Variants in PRKCE observed in about 807,000 individuals in gnomAD.
The protein encoded by PRKCE is protein kinase C epsilon.
A neutral mutation model predicts 85.4 loss-of-function variants in PRKCE; 16 were observed. That is an observed-to-expected ratio of 0.19 (90% confidence interval 0.13 to 0.28). PRKCE has a LOEUF of 0.28. Among genes scored for constraint, PRKCE ranks in the 10% least tolerant of loss-of-function variants. PRKCE has a pLI of 1.00. For synonymous variants in PRKCE, 388 were observed against 371.5 expected, an observed-to-expected ratio of 1.04 and a Z score of -0.51; for missense variants, 573 against 975.2, an observed-to-expected ratio of 0.59 and a Z score of 5.49.
intron 12 of PRKCE, among the ~76,000 whole-genome samples, chr2:46,149,229 T>C (rs1271887170): frequency 6.6e-6 from 1 of 152,168 alleles, no homozygotes; most frequent in Admixed American, 6.5e-5. Context: ...AGAACTAAAT[T>C]GGAGCCTTGT....
chr2:46,115,640 G>A (rs3768753), intron 11 of PRKCE, among the ~76,000 whole-genome samples: 34,961 of 152,126 alleles, frequency 0.23, 4,254 homozygotes, highest in South Asian at 0.4. Context: ...ATCTCTATGG[G>A]CATCAGTGCT....
intron 11 of PRKCE, among the ~76,000 whole-genome samples, chr2:46,111,736 T>C (rs1027537980): frequency 6.6e-6 from 1 of 152,242 alleles, no homozygotes; most frequent in African/African-American, 2.4e-5. Flanking sequence ...TCTCAGTTGA[T>C]GGACACTTAG....
At position 45,918,750 on chromosome 2, in the gene PRKCE, C is replaced by A. The variant is rs543108406; in HGVS notation, c.413-57679C>A. ...CTGCAGTGGGCCTGGGGCTGAGGCA[C>A]CGCAGGGCTGAGGTTGGCGAGGGGG... On this transcript the variant is annotated intron_variant, in intron 2 of 14. Coordinates refer to ENST00000306156, the MANE Select transcript of PRKCE (RefSeq NM_005400.3). 7.0e-4 allele frequency among the ~76,000 whole-genome samples: 107 copies of A among 152,232 alleles called. 1 individual carries two copies. The highest frequency in any genetic ancestry group is 7.4e-5 in the Non-Finnish European group (5 of 68,018).
chr2:45,799,889 C>G (rs1687724452), intron 1 of PRKCE, among the ~76,000 whole-genome samples: 1 of 152,192 alleles, frequency 6.6e-6, no homozygotes, highest in Non-Finnish European at 1.5e-5. Context: ...AGTCATGTCA[C>G]CAGGCTGCAG....
intron 13 of PRKCE, among the ~76,000 whole-genome samples, chr2:46,152,405 C>G (rs546565308): frequency 6.6e-6 from 1 of 152,044 alleles, no homozygotes; most frequent in African/African-American, 2.4e-5. Context: ...TGGCCTTGAA[C>G]TCTTGACCTC....
intron 1 of PRKCE, among the ~76,000 whole-genome samples, chr2:45,713,388 A>G (rs1679830289): frequency 6.6e-6 from 1 of 152,258 alleles, no homozygotes; most frequent in South Asian, 2.1e-4. Flanking sequence ...ATAGCTGTAA[A>G]GACTCATTAT....
intron 1 of PRKCE, among the ~76,000 whole-genome samples, chr2:45,661,010 T>G (rs1035978660): frequency 2.0e-5 from 3 of 152,178 alleles, no homozygotes; most frequent in African/African-American, 4.8e-5. Context: ...GAAACCCAGA[T>G]GCTGAAATGA....
At position 46,001,493 on chromosome 2, in the gene PRKCE, G is replaced by A. The variant is rs1217458277; in HGVS notation, c.913G>A (p.Asp305Asn). 2 of 1,599,350 alleles carry A rather than the reference G, an allele frequency of 1.3e-6. No individual in the cohort carries two copies. The highest frequency in any genetic ancestry group is 1.7e-6 in the Non-Finnish European group (2 of 1,179,758). ...DARGIAKVLA[D>N]LGVTPDKITN... ...CAGAGGAATCGCCAAAGTACTGGCC[G>A]ACCTGGGCGTTACCCCAGACAAAAT... Residue 305 changes from aspartate to asparagine, a missense_variant, in exon 7 of 15, where the codon GAC becomes AAC. Physicochemically the swap from Asp to Asn is conservative, Grantham distance 23. This residue lies in a region of PRKCE where 55 missense variants were observed against 128.1 expected (regional missense o/e 0.43). Transcript: ENST00000306156. This position sits in a 1 kb window ranked among gnomAD's most constrained non-coding sequence, Gnocchi z 4.4.
chr2:45,933,630 G>A (rs1464451574), intron 2 of PRKCE, among the ~76,000 whole-genome samples: 1 of 151,804 alleles, frequency 6.6e-6, no homozygotes, highest in South Asian at 2.1e-4. Flanking sequence ...CCCACCACCA[G>A]GCACAGTTAA....
chr2:45,720,399 G>A (rs1260092672), intron 1 of PRKCE, among the ~76,000 whole-genome samples: 1 of 152,070 alleles, frequency 6.6e-6, no homozygotes. Context: ...TACCTCCCAG[G>A]GGTAGCTTGG....
Position 46,001,691 on chromosome 2 carries a change from C to A in PRKCE, c.966+145C>A. 1 of 976,480 alleles carries A rather than the reference C, an allele frequency of 1.0e-6. No homozygotes were observed. The highest frequency in any genetic ancestry group is 1.4e-6 in the Non-Finnish European group (1 of 727,148). The allele number at this position is 976,480 out of a possible 1,614,324, so 60.5% of individuals were successfully genotyped here. A position where few individuals can be genotyped will look rare whatever the true frequency, so the allele number is the denominator to read the frequency against. ...GAACTGCAGTACTTAAAGAAAAAAA[C>A]AAAGATAGAAGCCAGGCAGGTAACA... On this transcript the variant is annotated intron_variant, in intron 7 of 14. Transcript: ENST00000306156. This position sits in a 1 kb window ranked among gnomAD's most constrained non-coding sequence, Gnocchi z 4.4.
chr2:46,043,812 A>G (rs929332373), intron 10 of PRKCE, among the ~76,000 whole-genome samples: 1 of 152,210 alleles, frequency 6.6e-6, no homozygotes, highest in African/African-American at 2.4e-5. Context: ...TAATGTATCA[A>G]TTTGTTCTGA....
chr2:46,025,419 A>G (rs2104908012), intron 10 of PRKCE, among the ~76,000 whole-genome samples: 1 of 152,324 alleles, frequency 6.6e-6, no homozygotes, highest in East Asian at 1.9e-4. Context: ...CCAGGGATAG[A>G]AAAAGACACA....
At chr2:46,014,454 T>C (rs1311486739) in intron 10 of PRKCE, among the ~76,000 whole-genome samples, 1 of 152,196 alleles carries the variant, frequency 6.6e-6, no homozygotes, top group Non-Finnish European at 1.5e-5. Context: ...CACAAAAAAC[T>C]GTATCTGTTG....
intron 2 of PRKCE, among the ~76,000 whole-genome samples, chr2:45,906,532 G>T (rs776474031): frequency 6.6e-6 from 1 of 152,206 alleles, no homozygotes; most frequent in African/African-American, 2.4e-5. Flanking sequence ...AGAGGGGGAC[G>T]GGTTTCCAGT....
At chr2:45,666,664 C>T (rs1054069507) in intron 1 of PRKCE, among the ~76,000 whole-genome samples, 3 of 151,966 alleles carry the variant, frequency 2.0e-5, no homozygotes, top group Non-Finnish European at 4.4e-5. Context: ...CTTGGAATTG[C>T]GGTAACATTT....
At chr2:46,011,119 T>A (rs1412836174) in intron 10 of PRKCE, among the ~76,000 whole-genome samples, 2 of 152,204 alleles carry the variant, frequency 1.3e-5, no homozygotes, top group Non-Finnish European at 2.9e-5. Flanking sequence ...TGTTACCTGT[T>A]TTTAGTAAAG....
At chr2:46,087,681 C>T (rs1326981881) in intron 11 of PRKCE, among the ~76,000 whole-genome samples, 1 of 145,586 alleles carries the variant, frequency 6.9e-6, no homozygotes, top group African/African-American at 2.8e-5. Flanking sequence ...TAGCATCCAT[C>T]CATTATCTCA....
At chr2:45,810,638 C>G (rs1688590560) in intron 1 of PRKCE, among the ~76,000 whole-genome samples, 1 of 152,148 alleles carries the variant, frequency 6.6e-6, no homozygotes, top group African/African-American at 2.4e-5. Flanking sequence ...GGCTGGAGTA[C>G]AGTGGCAGAA....
Sources: allele counts gnomAD v4.1 joint callset (sites outside exome capture counted in the v4.1 genomes callset), GRCh38; gene constraint gnomAD v4.1.1; regional missense constraint gnomAD v4.1.1; non-coding constraint Gnocchi (gnomAD v3.1); transcripts MANE v1.5; gene names NCBI Gene and HGNC (gene_info 2026-07-23, HGNC 2026-07-21).